MYO16: variants seen among roughly 807,000 people sequenced by gnomAD.
MYO16 encodes the protein unconventional myosin-XVI.
Under a neutral mutation model 205.3 loss-of-function variants are expected in MYO16, and 94 were observed. The observed-to-expected ratio is 0.46, with a 90% CI of 0.39 to 0.54. The LOEUF (loss-of-function observed/expected upper bound fraction) is 0.54, where lower values mean the gene tolerates loss of function less well. MYO16 is among the 20% of genes least tolerant of loss of function. The pLI is 0.00. For synonymous variants in MYO16, 988 were observed against 954.0 expected (o/e 1.04, Z -0.66); for missense variants, 2,315 against 2,387.5 (o/e 0.97, Z 0.63).
At chr13:109,061,398 A>G (rs1231331894) in intron 27 of MYO16, among the ~76,000 whole-genome samples, 2 of 152,176 alleles carry the variant, frequency 1.3e-5, no homozygotes, top group East Asian at 1.9e-4. Flanking sequence ...AAGCTTAATC[A>G]TTTCCAGCTT....
intron 28 of MYO16, among the ~76,000 whole-genome samples, chr13:109,116,569 A>G (rs957334484): frequency 6.6e-6 from 1 of 152,138 alleles, no homozygotes. Flanking sequence ...ACCGACCATC[A>G]AGAACTTCCT....
the MYO16 span, among the ~76,000 whole-genome samples, chr13:108,525,403 G>C: frequency 1.3e-5 from 2 of 152,146 alleles, no homozygotes; most frequent in African/African-American, 4.8e-5. Flanking sequence ...TGAGTGCTGT[G>C]CTCTGCTCAC....
chr13:108,599,853 G>A (rs1594134746), intron 1 of MYO16, among the ~76,000 whole-genome samples: 1 of 152,124 alleles, frequency 6.6e-6, no homozygotes, highest in African/African-American at 2.4e-5. Context: ...TTTCTTTGTA[G>A]CCTTGTACAG....
intron 34 of MYO16, among the ~76,000 whole-genome samples, chr13:109,193,763 T>A (rs900957189): frequency 5.3e-5 from 8 of 152,122 alleles, no homozygotes; most frequent in African/African-American, 1.9e-4. Context: ...AGGCCTTACC[T>A]CCTTTCCTAG....
rs189446222 is a variant in MYO16 at position 108,761,600 on chromosome 13, A to G, written c.508-24035A>G. On this transcript the variant is annotated intron_variant, in intron 4 of 34. Coordinates refer to ENST00000457511, the MANE Select transcript of MYO16 (RefSeq NM_001198950.3). The stretch of plus-strand genomic sequence containing the variant: ...GGTCACCAATAAAAGGAAAATCTTC[A>G]CAAAAACAGATTTCAAGAAGGCATC... 5.3e-5 allele frequency among the ~76,000 whole-genome samples: 8 copies of G among 152,342 alleles called. No individual in the cohort carries two copies. In the East Asian group the frequency reaches 1.2e-3, roughly 22 times the overall value.
At chr13:108,867,803 C>T (rs75327305) in intron 12 of MYO16, among the ~76,000 whole-genome samples, 208 of 152,266 alleles carry the variant, frequency 1.4e-3, no homozygotes, top group African/African-American at 4.8e-3. Context: ...ATAGATGTCT[C>T]CCATGCCCTG....
the MYO16 span, among the ~76,000 whole-genome samples, chr13:108,505,861 A>C: frequency 6.6e-6 from 1 of 152,158 alleles, no homozygotes; most frequent in African/African-American, 2.4e-5. Flanking sequence ...GTAAAGATCA[A>C]ATGTCATTGT....
At chr13:108,542,362 G>C in the MYO16 span, among the ~76,000 whole-genome samples, 1 of 152,034 alleles carries the variant, frequency 6.6e-6, no homozygotes, top group Non-Finnish European at 1.5e-5. Flanking sequence ...AAACTGTCAG[G>C]TAATATGCTT....
At chr13:108,983,985 GAGA>G (rs772117379) in intron 20 of MYO16, among the ~76,000 whole-genome samples, 5 of 152,156 alleles carry the variant, frequency 3.3e-5, no homozygotes, top group Non-Finnish European at 7.4e-5. Flanking sequence ...TTTCATCCCT[GAGA>G]AGAACTAGTT....
chr13:108,690,297 A>G (rs1323755880), intron 2 of MYO16, among the ~76,000 whole-genome samples: 1 of 61,830 alleles, frequency 1.6e-5, no homozygotes, highest in Admixed American at 2.2e-4. Context: ...ACAAAATTAA[A>G]ATTCCTGCTA....
At chr13:109,138,396 TATC>T (rs1392793645) in intron 31 of MYO16, among the ~76,000 whole-genome samples, 1 of 152,204 alleles carries the variant, frequency 6.6e-6, no homozygotes, top group African/African-American at 2.4e-5. Flanking sequence ...ACATCTCTGT[TATC>T]AGTGAAATTA....
intron 5 of MYO16, among the ~76,000 whole-genome samples, chr13:108,788,259 C>T (rs1055294882): frequency 3.9e-5 from 6 of 152,088 alleles, no homozygotes; most frequent in African/African-American, 1.4e-4. Flanking sequence ...GTGCTGTCAC[C>T]ACCGACTTAC....
At chr13:108,886,359 T>A in intron 13 of MYO16, 4 of 454,198 alleles carry the variant, frequency 8.8e-6, no homozygotes, top group South Asian at 6.2e-5. Context: ...ACCTCTTCAT[T>A]CAAGTTTCAA....
At chr13:109,044,651 G>A (rs186285218) in intron 23 of MYO16, among the ~76,000 whole-genome samples, 3 of 152,234 alleles carry the variant, frequency 2.0e-5, no homozygotes, top group East Asian at 3.9e-4. Context: ...GAGCATGGTT[G>A]GGTAAGAGCA....
At chr13:108,667,022 C>T (rs1270602642) in intron 2 of MYO16, among the ~76,000 whole-genome samples, 1 of 152,164 alleles carries the variant, frequency 6.6e-6, no homozygotes, top group Non-Finnish European at 1.5e-5. Context: ...CAATTCATTA[C>T]TCACAATTTG....
At chr13:109,015,400 C>A (rs1885770602) in intron 22 of MYO16, among the ~76,000 whole-genome samples, 1 of 152,174 alleles carries the variant, frequency 6.6e-6, no homozygotes, top group Non-Finnish European at 1.5e-5. Context: ...CGATGTTCAT[C>A]AGGGCTATTG....
At chr13:108,985,888 G>A (rs1884611211) in intron 20 of MYO16, among the ~76,000 whole-genome samples, 1 of 152,100 alleles carries the variant, frequency 6.6e-6, no homozygotes, top group African/African-American at 2.4e-5. Context: ...TTTTATTGAC[G>A]TATGTATTAG....
At chr13:108,906,805 T>G (rs531046731) in intron 15 of MYO16, among the ~76,000 whole-genome samples, 1 of 152,252 alleles carries the variant, frequency 6.6e-6, no homozygotes, top group East Asian at 1.9e-4. Flanking sequence ...TTCATGTTAC[T>G]GATAGGAAAA....
At chr13:108,786,953 G>T (rs1338413993) in intron 5 of MYO16, among the ~76,000 whole-genome samples, 1 of 152,212 alleles carries the variant, frequency 6.6e-6, no homozygotes, top group Admixed American at 6.5e-5. Flanking sequence ...CTTCTAAAGG[G>T]AATGAAGCTT....
Sources: allele counts gnomAD v4.1 joint callset (sites outside exome capture counted in the v4.1 genomes callset), GRCh38; gene constraint gnomAD v4.1.1; transcripts MANE v1.5; gene names NCBI Gene and HGNC (gene_info 2026-07-23, HGNC 2026-07-21).